The following PLA2G1B variants were observed in gnomAD, a reference collection of about 807,000 sequenced individuals.
PLA2G1B encodes the protein phospholipase A2.
A neutral mutation model predicts 12.5 loss-of-function variants in PLA2G1B; 12 were observed. The ratio of observed to expected loss-of-function variants is 0.96; its 90% CI spans 0.62 to 1.56. The LOEUF (loss-of-function observed/expected upper bound fraction) is 1.56. Among genes scored for constraint, PLA2G1B ranks in the 40% most tolerant of loss-of-function variants. The pLI is 0.00. For missense variants in PLA2G1B, 189 were observed against 186.7 expected, an observed-to-expected ratio of 1.01 and a Z score of -0.07; for synonymous variants, 81 against 73.4, an observed-to-expected ratio of 1.10 and a Z score of -0.53.
chr12:120,327,599 G>T, intron 1 of PLA2G1B, 121 bp downstream of exon 1: 2 of 980,524 alleles, frequency 2.0e-6, no homozygotes, highest in Non-Finnish European at 3.3e-6. Context: ...TGGGAACCTC[G>T]AATTGAGACT....
At chr12:120,323,649 TGA>T (rs200897289) in intron 3 of PLA2G1B, among the ~76,000 whole-genome samples, 10 of 151,388 alleles carry the variant, frequency 6.6e-5, no homozygotes, top group Non-Finnish European at 1.3e-4. Flanking sequence ...AAACTGTGTG[TGA>T]GTGTGTGTGT....
In PLA2G1B at chr12:120,325,942, C is replaced by T. The variant is rs1477338909; in HGVS notation, c.113G>A (p.Ser38Asn). The part of the protein sequence containing the change: ...RKMIKCVIPG[S>N]DPFLEYNNYG... ...GTTGTTGTATTCCAAGAAGGGGTCA[C>T]TCCCCGGGATCACGCACTTGATCAT... Residue 38 changes from serine to asparagine, a missense_variant, in exon 2 of 4, where the codon AGT (serine) becomes AAT (asparagine). By Grantham distance (46) the Ser-to-Asn change is conservative. Coordinates refer to ENST00000308366, the MANE Select transcript of PLA2G1B (RefSeq NM_000928.3). 3 of 1,614,196 alleles carry T rather than the reference C, an allele frequency of 1.9e-6. No individual in the cohort carries two copies. The highest frequency in any genetic ancestry group is 1.3e-5 in the African/African-American group (1 of 75,064).
At chr12:120,323,651 A>T (rs9657937) in intron 3 of PLA2G1B, among the ~76,000 whole-genome samples, 8,628 of 150,282 alleles carry the variant, frequency 0.057, 362 homozygotes, top group Admixed American at 0.15. Context: ...ACTGTGTGTG[A>T]GTGTGTGTGT....
intron 1 of PLA2G1B, among the ~76,000 whole-genome samples, chr12:120,326,349 T>TG (rs1270262335): frequency 2.0e-5 from 3 of 147,000 alleles, no homozygotes; most frequent in African/African-American, 7.5e-5. Context: ...TGATAGTTTT[T>TG]TTTTTTTTTT....
chr12:120,327,638 G>T, intron 1 of PLA2G1B, 82 bp downstream of exon 1: 1 of 1,347,526 alleles, frequency 7.4e-7, no homozygotes, highest in Non-Finnish European at 1.1e-6. Flanking sequence ...GTTTGCTGTG[G>T]CCTGTGGCCC....
At chr12:120,326,183 G>GTT (rs11328110) in intron 1 of PLA2G1B, 163 bp from the exon 2 acceptor site, 58 of 339,172 alleles carry the variant, frequency 1.7e-4, no homozygotes, top group Non-Finnish European at 2.4e-4. Flanking sequence ...GTGGGTAGAG[G>GTT]TTTTTTTTTT....
intron 1 of PLA2G1B, among the ~76,000 whole-genome samples, chr12:120,326,578 T>TA (rs1873353412): frequency 7.1e-6 from 1 of 139,912 alleles, no homozygotes; most frequent in African/African-American, 2.7e-5. Context: ...AGTGAACAGA[T>TA]ATAATAATAA....
At position 120,325,677 on chromosome 12, in the gene PLA2G1B, T is replaced by A. The variant is rs532297491; in HGVS notation, c.194+184A>T. The stretch of plus-strand genomic sequence containing the variant: ...TTTTGCACGTCGGTCATTGTTTCCA[T>A]CTCTAACGGGGTGCGTTCGCTACAG... On this transcript the variant is annotated intron_variant, in intron 2 of 3. Transcript: ENST00000308366. Among the ~76,000 whole-genome samples the A allele has an allele frequency of 5.3e-5, 8 of 152,342 alleles. No homozygotes were observed. In the East Asian group the frequency reaches 1.5e-3, roughly 29 times the overall value.
chr12:120,326,126 C>T, intron 1 of PLA2G1B, 106 bp from the exon 2 acceptor site: 1 of 1,170,530 alleles, frequency 8.5e-7, no homozygotes, highest in Non-Finnish European at 1.2e-6. Context: ...CCCCTGCCAG[C>T]TGCCTCCTCT....
intron 3 of PLA2G1B, 37 bp from the exon 4 acceptor site, chr12:120,322,354 G>T: frequency 6.2e-7 from 1 of 1,602,256 alleles, no homozygotes; most frequent in Non-Finnish European, 8.5e-7. Flanking sequence ...GAGCCAAGGT[G>T]GACCCTGTTT....
chr12:120,325,934 AG>A lies in PLA2G1B; in HGVS notation c.120del (p.Phe41SerfsTer133). The A allele has an allele frequency of 1.9e-6, 3 of 1,614,150 alleles. No individual in the cohort carries two copies. The highest frequency in any genetic ancestry group is 2.5e-6 in the Non-Finnish European group (3 of 1,180,012). On this transcript the variant is annotated frameshift_variant, in exon 2 of 4. Transcript: ENST00000308366. LOFTEE classifies it high-confidence loss of function. ...MIKCVIPGSD[P>X]FLEYNNYGCY... ...CAGCCGTAGTTGTTGTATTCCAAGA[AG>A]GGGTCACTCCCCGGGATCACGCACT...
At chr12:120,322,777 G>T (rs998168687) in intron 3 of PLA2G1B, among the ~76,000 whole-genome samples, 8 of 151,966 alleles carry the variant, frequency 5.3e-5, no homozygotes, top group African/African-American at 1.7e-4. Flanking sequence ...ATTAGAGAGG[G>T]TGTTTCATCA....
rs779965451 is a variant in PLA2G1B at position 120,324,969 on chromosome 12, G to C, written c.287C>G (p.Ser96Ter). 10 of 1,614,122 alleles carry C rather than the reference G, an allele frequency of 6.2e-6. No individual in the cohort carries two copies. Among genetic ancestry groups the C allele is most frequent in the Non-Finnish European group, 7.6e-6 (9 of 1,179,976 alleles). ...LLDNPYTHTY[S>*]YSCSGSAITC... ...GATTGCCGAGCCAGAGCACGAGTAT[G>C]AATAGGTGTGGGTGTACGGGTTGTC... Residue 96 changes from serine (S) to a stop codon, truncating the protein, a stop_gained, in exon 3 of 4, where the codon TCA (serine) becomes TGA (stop). Transcript: ENST00000308366. LOFTEE classifies it low-confidence loss of function (END_TRUNC).
At position 120,327,755 on chromosome 12, in the gene PLA2G1B, T is replaced by C; in HGVS notation, c.-2A>G. On this transcript the variant is annotated 5_prime_UTR_variant, in exon 1 of 4. Transcript: ENST00000308366. ...CACAGCTAGCACAAGGAGTTTCATC[T>C]TGCAGTCAAGGTGAGAAAAGAACTG... The C allele has an allele frequency of 6.2e-7, 1 of 1,613,886 alleles. No homozygotes were observed. Among genetic ancestry groups the C allele is most frequent in the Non-Finnish European group, 8.5e-7 (1 of 1,179,778 alleles).
chr12:120,325,765 A>C, intron 2 of PLA2G1B, 96 bp downstream of exon 2: 1 of 1,116,992 alleles, frequency 9.0e-7, no homozygotes, highest in Non-Finnish European at 1.3e-6. Context: ...CTTAGCAGAT[A>C]TGCAAGTCCC....
At chr12:120,325,703 G>A (rs1873327598) in intron 2 of PLA2G1B, among the ~76,000 whole-genome samples, 158 bp downstream of exon 2, 1 of 152,108 alleles carries the variant, frequency 6.6e-6, no homozygotes, top group South Asian at 2.1e-4. Context: ...TTCGCTACAG[G>A]GTCCTCTTGG....
In PLA2G1B at chr12:120,324,896, C is replaced by A. The variant is rs9657934; in HGVS notation, c.322+38G>T. The A allele has an allele frequency of 3.1e-4, 496 of 1,610,256 alleles. 3 individuals are homozygous for A. The African/African-American group carries it at 6.2e-3, about 20-fold the overall frequency. The stretch of plus-strand genomic sequence containing the variant: ...TATTTCCCCCCGGCCTACTGAGAAC[C>A]AACTAGAATTCATAGGTCAAGGAAG... On this transcript the variant is annotated intron_variant, in intron 3 of 3. Coordinates refer to ENST00000308366, the MANE Select transcript of PLA2G1B (RefSeq NM_000928.3).
At chr12:120,324,512 T>G (rs1486156093) in intron 3 of PLA2G1B, among the ~76,000 whole-genome samples, 1 of 150,030 alleles carries the variant, frequency 6.7e-6, no homozygotes, top group Non-Finnish European at 1.5e-5. Context: ...CAAAAAAATT[T>G]TTTTAATTAG....
chr12:120,327,482 G>T (rs894893681), intron 1 of PLA2G1B, among the ~76,000 whole-genome samples: 3 of 152,190 alleles, frequency 2.0e-5, no homozygotes, highest in African/African-American at 7.2e-5. Flanking sequence ...CTGGAAAAAA[G>T]AAAATAAAGG....
Sources: allele counts gnomAD v4.1 joint callset (sites outside exome capture counted in the v4.1 genomes callset), GRCh38; gene constraint gnomAD v4.1.1; transcripts MANE v1.5; gene names NCBI Gene and HGNC (gene_info 2026-07-23, HGNC 2026-07-21).